PREX1: variants seen among roughly 807,000 people sequenced by gnomAD.
The protein encoded by PREX1 is phosphatidylinositol-3,4,5-trisphosphate dependent Rac exchange factor 1, also known as phosphatidylinositol 3,4,5-trisphosphate-dependent Rac exchanger 1 protein.
PREX1 carries 41 observed loss-of-function variants against 198.3 expected under a neutral mutation model. The observed-to-expected ratio is 0.21, with a 90% CI of 0.16 to 0.27. The LOEUF (loss-of-function observed/expected upper bound fraction) is 0.27, where lower values mean the gene tolerates loss of function less well. Among genes scored for constraint, PREX1 ranks in the 10% least tolerant of loss-of-function variants. The pLI is 1.00. For missense variants in PREX1, 1,620 were observed against 2,200.7 expected (o/e 0.74, Z 5.28); for synonymous variants, 843 against 887.2 (o/e 0.95, Z 0.89).
At chr20:48,784,917 T>TC (rs1029888457) in intron 1 of PREX1, among the ~76,000 whole-genome samples, 6 of 148,390 alleles carry the variant, frequency 4.0e-5, no homozygotes, top group Non-Finnish European at 3.0e-5. Context: ...TTTCTTTCTC[T>TC]CTTTTTTTTT....
chr20:48,805,706 C>T (rs1358324481), intron 1 of PREX1, among the ~76,000 whole-genome samples: 1 of 152,144 alleles, frequency 6.6e-6, no homozygotes. Context: ...TCTGTGCCCC[C>T]CAACAGCCAC....
upstream of PREX1, among the ~76,000 whole-genome samples, chr20:48,828,727 ACCCTG>A (rs2090525539): frequency 6.6e-6 from 1 of 151,912 alleles, no homozygotes; most frequent in African/African-American, 2.4e-5. Flanking sequence ...TTGCCCCCTG[ACCCTG>A]CCCTTTCCAC....
At chr20:48,722,682 C>T (rs921495337) in intron 5 of PREX1, among the ~76,000 whole-genome samples, 2 of 152,206 alleles carry the variant, frequency 1.3e-5, no homozygotes, top group African/African-American at 4.8e-5. Context: ...GATGAGGAAG[C>T]AGCAAAGGAG....
the PREX1 span, among the ~76,000 whole-genome samples, chr20:48,845,721 G>A: frequency 5.6e-5 from 7 of 125,802 alleles, no homozygotes; most frequent in East Asian, 2.2e-4. Context: ...AAAAAAAAAA[G>A]AGCTTTCTAG....
At chr20:48,732,559 G>A (rs2090039044) in intron 4 of PREX1, among the ~76,000 whole-genome samples, 1 of 152,172 alleles carries the variant, frequency 6.6e-6, no homozygotes, top group Non-Finnish European at 1.5e-5. Flanking sequence ...GACTGGGACT[G>A]AAACCCAGGA....
intron 30 of PREX1, 139 bp from the exon 31 acceptor site, chr20:48,637,891 G>T: frequency 1.5e-6 from 1 of 683,854 alleles, no homozygotes. Context: ...CCAAGGCTGT[G>T]CTCAAGGAGG....
At chr20:48,796,842 GAC>G (rs2090365232) in intron 1 of PREX1, among the ~76,000 whole-genome samples, 1 of 151,100 alleles carries the variant, frequency 6.6e-6, no homozygotes, top group South Asian at 2.1e-4. Flanking sequence ...TAATTTAAAA[GAC>G]ACAAAAGATC....
At chr20:48,743,990 GTGATGATGATGATGATGATGATGATGA>G (rs3037311) in intron 3 of PREX1, among the ~76,000 whole-genome samples, 2 of 149,170 alleles carry the variant, frequency 1.3e-5, no homozygotes, top group Non-Finnish European at 3.0e-5. Flanking sequence ...AAGTGAGTTA[GTGATGATGATGATGATGATGATGATGA>G]TGATGATGAT....
chr20:48,690,913 G>T lies in PREX1; in HGVS notation c.1186+34C>A, dbSNP rs764724225. 6 of 1,612,198 alleles carry T rather than the reference G, an allele frequency of 3.7e-6. No homozygotes were observed. In the African/African-American group the frequency reaches 6.7e-5, roughly 18 times the overall value. ...CAGAAGAAGCCACGCATAGCTCAGG[G>T]ATCCCAGGCGAGCACCCCAAAGCTG... On this transcript the variant is annotated intron_variant, in intron 9 of 39. Transcript: ENST00000371941.
rs111676963 is a variant in PREX1 at position 48,766,244 on chromosome 20, G to A, written c.220-18364C>T. Among the ~76,000 whole-genome samples the A allele has an allele frequency of 4.3e-3, 652 of 152,282 alleles. 9 individuals are homozygous for A. The highest frequency in any genetic ancestry group is 0.014 in the African/African-American group (580 of 41,528). Reference sequence around the variant, plus strand: ...CCATCCCTTCCCCACCCCTAGGTCCGTGGAAAAAAATGTCTTCCAGGAAAC... The same window carrying A: ...CCATCCCTTCCCCACCCCTAGGTCCATGGAAAAAAATGTCTTCCAGGAAAC... On this transcript the variant is annotated intron_variant, in intron 1 of 39. Transcript: ENST00000371941.
At chr20:48,778,861 A>G (rs2090275747) in intron 1 of PREX1, among the ~76,000 whole-genome samples, 1 of 152,218 alleles carries the variant, frequency 6.6e-6, no homozygotes. Context: ...TTCATACAAA[A>G]GTAAACTCAA....
In PREX1 at chr20:48,666,521, TTTATTA is replaced by T. The variant is rs149151112; in HGVS notation, c.1666-172_1666-167del. On this transcript the variant is annotated intron_variant, in intron 14 of 39. Coordinates refer to ENST00000371941, the MANE Select transcript of PREX1 (RefSeq NM_020820.4). This position sits in a 1 kb window ranked among gnomAD's most constrained non-coding sequence, Gnocchi z 4.3. ...CAAAACGGGTTTGTGATTATTATTT[TTTATTA>T]TTATTATTATTTTTTTGAGACAGAG... 0.12 allele frequency among the ~76,000 whole-genome samples: 18,373 copies of T among 151,992 alleles called. 1,173 individuals are homozygous for T. Among genetic ancestry groups the T allele is most frequent in the African/African-American group, 0.16 (6,657 of 41,430 alleles).
the PREX1 span, among the ~76,000 whole-genome samples, chr20:48,887,525 C>A: frequency 5.3e-5 from 8 of 152,152 alleles, no homozygotes; most frequent in African/African-American, 1.9e-4. Flanking sequence ...GAGACTGAGG[C>A]TGAAAGACAG....
At chr20:48,759,565 A>AAAAAG (rs1555842233) in intron 1 of PREX1, among the ~76,000 whole-genome samples, 29 of 146,758 alleles carry the variant, frequency 2.0e-4, no homozygotes, top group African/African-American at 6.6e-4. Context: ...AAAAAAAAAA[A>AAAAAG]AAAGAAAAGA....
At chr20:48,634,799 G>A in intron 32 of PREX1, 24 bp from the exon 33 acceptor site, 1 of 1,606,236 alleles carries the variant, frequency 6.2e-7, no homozygotes, top group Non-Finnish European at 8.5e-7. Flanking sequence ...ACAGCGCGGA[G>A]GAGTCTCAGA....
intron 37 of PREX1, 52 bp downstream of exon 37, chr20:48,629,397 A>G: frequency 1.3e-6 from 2 of 1,590,778 alleles, no homozygotes; most frequent in Non-Finnish European, 1.7e-6. Flanking sequence ...CAAACTGACC[A>G]GAAGCTAGGC....
intron 14 of PREX1, among the ~76,000 whole-genome samples, chr20:48,674,940 A>G (rs1475456377): frequency 2.0e-5 from 3 of 152,204 alleles, no homozygotes; most frequent in Admixed American, 2.0e-4. Context: ...CCAGAATAAA[A>G]CCATCTTGTC....
At chr20:48,788,132 C>A (rs1386109407) in intron 1 of PREX1, among the ~76,000 whole-genome samples, 2 of 152,130 alleles carry the variant, frequency 1.3e-5, no homozygotes, top group Non-Finnish European at 2.9e-5. Flanking sequence ...TTAAAAGGCC[C>A]GTGGGAAGTT....
At chr20:48,759,549 C>CAAAAAAAAAAAA (rs386393896) in intron 1 of PREX1, among the ~76,000 whole-genome samples, 9 of 73,938 alleles carry the variant, frequency 1.2e-4, no homozygotes, top group African/African-American at 1.8e-4. Context: ...GATTCCATCT[C>CAAAAAAAAAAAA]AAAAAAAAAA....
Sources: gnomAD v4.1 joint callset for allele counts (sites outside exome capture counted in the v4.1 genomes callset) on GRCh38, gnomAD v4.1.1 for gene constraint, Gnocchi (gnomAD v3.1) non-coding constraint, MANE v1.5 for transcripts, NCBI Gene and HGNC (gene_info 2026-07-23, HGNC 2026-07-21) for gene names.